The following TRPC4 variants were observed in gnomAD, a reference collection of about 807,000 sequenced individuals.
The protein encoded by TRPC4 is transient receptor potential cation channel subfamily C member 4.
TRPC4 carries 49 observed loss-of-function variants against 99.4 expected under a neutral mutation model. The observed-to-expected ratio is 0.49, with a 90% CI of 0.39 to 0.63. The LOEUF (loss-of-function observed/expected upper bound fraction) is 0.63, where lower values mean the gene tolerates loss of function less well. TRPC4 is among the 20% of genes least tolerant of loss of function. The probability of loss-of-function intolerance (pLI) is 0.00; values close to 1 mark genes in which losing one functional copy is unlikely to be tolerated. For synonymous variants in TRPC4, 454 were observed against 425.9 expected (o/e 1.07, Z -0.81); for missense variants, 898 against 1,152.9 (o/e 0.78, Z 3.20).
At position 37,686,837 on chromosome 13, in the gene TRPC4, A is replaced by C. The variant is rs564536050; in HGVS notation, c.1234+5162T>G. On this transcript the variant is annotated intron_variant, in intron 4 of 10. Transcript: ENST00000379705. ...GTGTGCATAGATTTGCATACTGTTTAATTGTGGCATAATCTGGGGCATGCT... is the reference window on the plus strand; with the variant it reads ...GTGTGCATAGATTTGCATACTGTTTCATTGTGGCATAATCTGGGGCATGCT... Among the ~76,000 whole-genome samples, 5 of 152,280 alleles carry C rather than the reference A, an allele frequency of 3.3e-5. No homozygotes were observed. The East Asian group carries it at 9.7e-4, about 29-fold the overall frequency.
intron 1 of TRPC4, among the ~76,000 whole-genome samples, chr13:37,800,108 A>T (rs1957364925): frequency 6.6e-6 from 1 of 152,240 alleles, no homozygotes; most frequent in South Asian, 2.1e-4. Context: ...ATTTGTTAAA[A>T]TGTTGTTTAA....
intron 3 of TRPC4, among the ~76,000 whole-genome samples, chr13:37,742,284 T>C (rs980025147): frequency 5.3e-5 from 8 of 152,182 alleles, no homozygotes; most frequent in Non-Finnish European, 1.2e-4. Context: ...TTAATTGTTT[T>C]AATATGTTGA....
intron 2 of TRPC4, among the ~76,000 whole-genome samples, chr13:37,770,074 A>T (rs1354785246): frequency 6.6e-6 from 1 of 151,524 alleles, no homozygotes; most frequent in Admixed American, 6.6e-5. Flanking sequence ...ATTTCCTTTT[A>T]TATAAAACAA....
intron 3 of TRPC4, among the ~76,000 whole-genome samples, chr13:37,696,260 C>T (rs1953901735): frequency 6.6e-6 from 1 of 152,194 alleles, no homozygotes; most frequent in African/African-American, 2.4e-5. Context: ...CACCGGGTCT[C>T]TCCCACAACA....
intron 2 of TRPC4, among the ~76,000 whole-genome samples, chr13:37,769,792 A>G (rs984146686): frequency 4.0e-5 from 6 of 151,570 alleles, no homozygotes; most frequent in African/African-American, 1.4e-4. Flanking sequence ...ACAACCTGAA[A>G]GCATGACACA....
chr13:37,701,800 G>A (rs576303232), intron 3 of TRPC4, among the ~76,000 whole-genome samples: 115 of 152,056 alleles, frequency 7.6e-4, no homozygotes, highest in Non-Finnish European at 1.3e-3. Flanking sequence ...CTGACCCAAG[G>A]TACTGCTATT....
Position 37,745,978 on chromosome 13 carries a change from G to T in TRPC4, c.856C>A (p.Leu286Ile). The change falls in exon 3 of 11, where the codon CTT becomes ATT. Residue 286 changes from leucine to isoleucine, a missense_variant. Around this residue, in one of 3 missense-constraint regions of TRPC4, gnomAD observed 278 missense variants for 346.6 expected, o/e 0.80. Coordinates refer to ENST00000379705, the MANE Select transcript of TRPC4 (RefSeq NM_016179.4). ...SLIEEQSGND[L>I]ARLKLAIKYR... ...TTAATGGCCAATTTTAGTCTTGCAA[G>T]ATCATTTCCACTTTGTTCTTCTATG... 1 of 1,613,692 alleles carries T rather than the reference G, an allele frequency of 6.2e-7. No individual in the cohort carries two copies. The highest frequency in any genetic ancestry group is 8.5e-7 in the Non-Finnish European group (1 of 1,179,754).
At chr13:37,688,388 G>A (rs574969307) in intron 4 of TRPC4, among the ~76,000 whole-genome samples, 2 of 152,100 alleles carry the variant, frequency 1.3e-5, no homozygotes, top group Non-Finnish European at 2.9e-5. Context: ...GTTCTATGAG[G>A]CTGAATACAG....
intron 6 of TRPC4, among the ~76,000 whole-genome samples, chr13:37,658,667 A>G (rs917029318): frequency 1.3e-5 from 2 of 152,210 alleles, no homozygotes; most frequent in African/African-American, 4.8e-5. Flanking sequence ...CCCTCTCTTC[A>G]TAAGAAAGTA....
intron 1 of TRPC4, among the ~76,000 whole-genome samples, chr13:37,841,737 A>G (rs11841566): frequency 0.022 from 3,386 of 152,236 alleles, 110 homozygotes; most frequent in African/African-American, 0.077. Context: ...TAGTAATGAC[A>G]CTAAATGCTG....
intron 1 of TRPC4, among the ~76,000 whole-genome samples, chr13:37,789,656 T>G (rs1957060924): frequency 6.6e-6 from 1 of 151,866 alleles, no homozygotes; most frequent in Non-Finnish European, 1.5e-5. Flanking sequence ...TGTTAAGCTA[T>G]CAAATCACCT....
intron 3 of TRPC4, among the ~76,000 whole-genome samples, chr13:37,710,416 T>TA (rs952636646): frequency 2.0e-5 from 3 of 151,908 alleles, no homozygotes; most frequent in African/African-American, 7.2e-5. Context: ...TCCTTCCTTT[T>TA]AAAAAGAGTT....
chr13:37,763,336 A>G (rs1034953422), intron 2 of TRPC4, among the ~76,000 whole-genome samples: 2 of 151,580 alleles, frequency 1.3e-5, no homozygotes, highest in African/African-American at 4.8e-5. Flanking sequence ...GTTGGTAGCT[A>G]TGGTGGTGGA....
At chr13:37,833,652 G>A (rs1207040826) in intron 1 of TRPC4, among the ~76,000 whole-genome samples, 11 of 152,126 alleles carry the variant, frequency 7.2e-5, no homozygotes, top group Admixed American at 6.6e-5. Context: ...ATGGTAAGAA[G>A]TAAGATATTT....
Position 37,635,028 on chromosome 13 carries a change from C to G in TRPC4, c.*1875G>C, listed in dbSNP as rs1234831091. 6.7e-6 allele frequency among the ~76,000 whole-genome samples: 1 copy of G among 150,196 alleles called. No homozygotes were observed. Among genetic ancestry groups the G allele is most frequent in the Admixed American group, 6.7e-5 (1 of 14,898 alleles). On this transcript the variant is annotated 3_prime_UTR_variant, in exon 11 of 11. Coordinates refer to ENST00000379705, the MANE Select transcript of TRPC4 (RefSeq NM_016179.4). ...TATTTCAAATTGAGTTCTGAGATCA[C>G]ATAATAAATATGTTTTTAAAATCTA... is the stretch of plus-strand genomic sequence containing the variant.
intron 1 of TRPC4, among the ~76,000 whole-genome samples, chr13:37,831,094 G>T (rs1240732098): frequency 6.6e-6 from 1 of 150,940 alleles, no homozygotes; most frequent in East Asian, 1.9e-4. Context: ...CTGTACAGAA[G>T]AATTTTTTTT....
chr13:37,859,184 A>G lies in TRPC4; in HGVS notation c.-28+10411T>C, dbSNP rs146011826. On this transcript the variant is annotated intron_variant, in intron 1 of 10. Coordinates refer to ENST00000379705, the MANE Select transcript of TRPC4 (RefSeq NM_016179.4). ...GAAGAGAGCTGTAAATAAAATATAC[A>G]GATTACAACACAGAGAACAAAAATA... Among the ~76,000 whole-genome samples the G allele has an allele frequency of 2.3e-3, 346 of 151,286 alleles. 1 individual carries two copies. The highest frequency in any genetic ancestry group is 8.0e-3 in the African/African-American group (330 of 41,508).
chr13:37,765,388 C>A (rs1464229253), intron 2 of TRPC4, among the ~76,000 whole-genome samples: 2 of 151,348 alleles, frequency 1.3e-5, no homozygotes, highest in Admixed American at 1.3e-4. Context: ...ACCAGTAACA[C>A]TGGCAAAAGA....
chr13:37,788,563 GC>G (rs1957029109), intron 1 of TRPC4, among the ~76,000 whole-genome samples: 1 of 150,758 alleles, frequency 6.6e-6, no homozygotes, highest in Non-Finnish European at 1.5e-5. Context: ...TGGGCTCCCT[GC>G]CAGTCTTCCC....
Sources: allele counts gnomAD v4.1 joint callset (sites outside exome capture counted in the v4.1 genomes callset), GRCh38; gene constraint gnomAD v4.1.1; regional missense constraint gnomAD v4.1.1; transcripts MANE v1.5; gene names NCBI Gene and HGNC (gene_info 2026-07-23, HGNC 2026-07-21).